Variants in SLC22A24 observed in about 807,000 individuals in gnomAD.
SLC22A24 encodes the protein steroid transmembrane transporter SLC22A24.
In SLC22A24, 53 loss-of-function variants were observed where a neutral mutation model predicts 49.8. The observed-to-expected ratio is 1.06, with a 90% CI of 0.85 to 1.34. The LOEUF is 1.34. SLC22A24 is among the 40% of genes most tolerant of loss of function. The pLI is 0.00. For synonymous variants in SLC22A24, 302 were observed against 256.4 expected (o/e 1.18, Z -1.70); for missense variants, 786 against 675.9 (o/e 1.16, Z -1.81).
rs925049401 is a variant in SLC22A24 at position 63,104,292 on chromosome 11, C to A, written c.837G>T (p.Met279Ile). 3 of 1,548,408 alleles carry A rather than the reference C, an allele frequency of 1.9e-6. No homozygotes were observed. The highest frequency in any genetic ancestry group is 2.7e-5 in the African/African-American group (2 of 72,876). ...IIVLFLSSWKMVESARWLIIN... is the reference protein window; with the variant it reads ...IIVLFLSSWKIVESARWLIIN... ...TAATCAGCCACCGAGCAGACTCCAC[C>A]ATCTTCCTGATGAAAGAAGACAACA... The change falls in exon 5 of 10, where the codon ATG becomes ATT. Residue 279 changes from methionine to isoleucine, a missense_variant. By Grantham distance (10) the Met-to-Ile change is conservative (BLOSUM62 1). Transcript: ENST00000612278.
intron 5 of SLC22A24, among the ~76,000 whole-genome samples, chr11:63,102,985 G>T (rs923231706): frequency 6.6e-6 from 1 of 152,098 alleles, no homozygotes; most frequent in Non-Finnish European, 1.5e-5. Flanking sequence ...CAAACACAAA[G>T]GTCCTATAGT....
In SLC22A24 at chr11:63,119,067, T is replaced by A. The variant is rs2087232682; in HGVS notation, c.675A>T (p.Thr225=). The change falls in exon 4 of 10, where the codon ACA becomes ACT. Residue 225 remains threonine (T), a synonymous_variant. Coordinates refer to ENST00000612278, the MANE Select transcript of SLC22A24 (RefSeq NM_001136506.2). The part of the protein sequence containing the change: ...GNTFILSLEW[T]LPRSRSMTIM... Reference sequence around the variant, plus strand: ...TTGTCATAGATCGTGACCGGGGCAATGTCCACTCTAAGCCTGGAAGAAAAC... The same window carrying A: ...TTGTCATAGATCGTGACCGGGGCAAAGTCCACTCTAAGCCTGGAAGAAAAC... 1.3e-6 allele frequency: 2 copies of A among 1,549,430 alleles called. No homozygotes were observed. The highest frequency in any genetic ancestry group is 2.7e-5 in the African/African-American group (2 of 73,130).
chr11:63,129,124 C>A (rs186352960), intron 2 of SLC22A24, among the ~76,000 whole-genome samples: 1 of 152,156 alleles, frequency 6.6e-6, no homozygotes, highest in Non-Finnish European at 1.5e-5. Context: ...ACATTTAAGT[C>A]TTTAATCCAT....
intron 2 of SLC22A24, among the ~76,000 whole-genome samples, chr11:63,131,296 A>G (rs1220290927): frequency 6.6e-6 from 1 of 152,064 alleles, no homozygotes; most frequent in Non-Finnish European, 1.5e-5. Flanking sequence ...TAATATTATT[A>G]TGTTTGAATT....
Position 63,102,200 on chromosome 11 carries a change from A to G in SLC22A24, c.954+1975T>C, listed in dbSNP as rs181034076. On this transcript the variant is annotated intron_variant, in intron 5 of 9. Transcript: ENST00000612278. ...GTATGTTTGTATCAAAATATTTCAC[A>G]TACCCCATAAATATTTATAACTACT... is the stretch of plus-strand genomic sequence containing the variant. 3.3e-5 allele frequency among the ~76,000 whole-genome samples: 5 copies of G among 152,280 alleles called. No individual in the cohort carries two copies. In the East Asian group the frequency reaches 9.6e-4, roughly 29 times the overall value.
At chr11:63,109,960 C>T (rs11501480) in intron 4 of SLC22A24, among the ~76,000 whole-genome samples, 120,456 of 152,040 alleles carry the variant, frequency 0.79, 48,916 homozygotes, top group East Asian at 0.9. Context: ...AGGATTTCTT[C>T]TAGGGTTTTT....
intron 1 of SLC22A24, among the ~76,000 whole-genome samples, chr11:63,139,551 G>A (rs1057079461): frequency 1.3e-5 from 2 of 152,174 alleles, no homozygotes; most frequent in East Asian, 1.9e-4. Context: ...CTACCTGGAA[G>A]ATATGGAAAC....
chr11:63,135,952 C>G (rs1318846198), intron 1 of SLC22A24, among the ~76,000 whole-genome samples: 10 of 152,216 alleles, frequency 6.6e-5, no homozygotes. Flanking sequence ...GATCCTCTTA[C>G]AACTACGCAA....
At chr11:63,126,830 C>A (rs1185492434) in intron 2 of SLC22A24, among the ~76,000 whole-genome samples, 2 of 152,042 alleles carry the variant, frequency 1.3e-5, no homozygotes, top group East Asian at 1.9e-4. Flanking sequence ...CCTCCCATTT[C>A]TTTGAGCAGT....
intron 6 of SLC22A24, among the ~76,000 whole-genome samples, chr11:63,090,873 A>G (rs971103788): frequency 4.6e-4 from 70 of 152,212 alleles, no homozygotes; most frequent in African/African-American, 1.6e-3. Flanking sequence ...TAAAAGAACT[A>G]GAGATGCAAG....
intron 1 of SLC22A24, among the ~76,000 whole-genome samples, chr11:63,139,270 G>T (rs2087397808): frequency 6.6e-6 from 1 of 152,078 alleles, no homozygotes; most frequent in Non-Finnish European, 1.5e-5. Context: ...AACAGAAGGT[G>T]CCACAGACAC....
At chr11:63,101,626 A>C (rs1436277859) in intron 5 of SLC22A24, among the ~76,000 whole-genome samples, 1 of 152,122 alleles carries the variant, frequency 6.6e-6, no homozygotes, top group Non-Finnish European at 1.5e-5. Context: ...ATATTTGAAG[A>C]GATATCTGCA....
chr11:63,092,795 T>A (rs1057026970), intron 6 of SLC22A24, among the ~76,000 whole-genome samples: 1 of 151,810 alleles, frequency 6.6e-6, no homozygotes, highest in South Asian at 2.1e-4. Context: ...AAAGACTTCA[T>A]GACTAAAACA....
chr11:63,094,169 G>A (rs950990378), intron 6 of SLC22A24, among the ~76,000 whole-genome samples: 1 of 127,558 alleles, frequency 7.8e-6, no homozygotes, highest in Non-Finnish European at 1.6e-5. Context: ...AGTCCCCAGA[G>A]TGTGATGTTC....
intron 4 of SLC22A24, among the ~76,000 whole-genome samples, chr11:63,113,217 T>TATATATATACAC (rs1565332369): frequency 6.2e-4 from 1 of 1,602 alleles, no homozygotes; most frequent in African/African-American, 7.8e-4. Flanking sequence ...TATATACACA[T>TATATATATACAC]ATATATATAT....
chr11:63,116,107 G>A (rs1350846492), intron 4 of SLC22A24: 2 of 408,122 alleles, frequency 4.9e-6, no homozygotes, highest in Non-Finnish European at 8.6e-6. Context: ...ACTTCCTTGG[G>A]CTTTATGAGG....
At chr11:63,132,438 G>A (rs927586723) in intron 2 of SLC22A24, among the ~76,000 whole-genome samples, 2 of 152,162 alleles carry the variant, frequency 1.3e-5, no homozygotes, top group Admixed American at 1.3e-4. Flanking sequence ...TTTGGTCTTT[G>A]ATGTTGGTGA....
At chr11:63,083,590 T>C (rs1385225666) in intron 6 of SLC22A24, 133 bp from the exon 7 acceptor site, 1 of 668,188 alleles carries the variant, frequency 1.5e-6, no homozygotes, top group Admixed American at 3.0e-5. Context: ...TTTTTCCTTT[T>C]AAAAAAGGGA....
chr11:63,087,024 G>GCGTGCACACACA (rs376936925), intron 6 of SLC22A24, among the ~76,000 whole-genome samples: 4 of 132,556 alleles, frequency 3.0e-5, no homozygotes, highest in East Asian at 4.5e-4. Context: ...CCTGGAGGGC[G>GCGTGCACACACA]CACACACACA....
Sources: allele counts gnomAD v4.1 joint callset (sites outside exome capture counted in the v4.1 genomes callset), GRCh38; gene constraint gnomAD v4.1.1; transcripts MANE v1.5; gene names NCBI Gene and HGNC (gene_info 2026-07-23, HGNC 2026-07-21).